Variants in ENPEP observed in about 807,000 individuals in gnomAD.
ENPEP encodes glutamyl aminopeptidase.
Under a neutral mutation model 114.5 loss-of-function variants are expected in ENPEP, and 103 were observed. The observed-to-expected ratio is 0.90, with a 90% CI of 0.77 to 1.06. The LOEUF is 1.06. Among genes scored for constraint, ENPEP ranks in the 50% least tolerant of loss-of-function variants. ENPEP has a pLI of 0.00. For synonymous variants in ENPEP, 420 were observed against 422.0 expected (o/e 1.00, Z 0.06); for missense variants, 1,196 against 1,161.3 (o/e 1.03, Z -0.43).
intron 11 of ENPEP, among the ~76,000 whole-genome samples, chr4:110,542,257 C>A (rs1405684130): frequency 6.6e-6 from 1 of 152,050 alleles, no homozygotes; most frequent in Non-Finnish European, 1.5e-5. Context: ...TTAGTGATAG[C>A]CATTTCCATC....
In ENPEP at chr4:110,513,478, C is replaced by T; in HGVS notation, c.1372C>T (p.His458Tyr). The T allele has an allele frequency of 6.8e-6, 11 of 1,613,478 alleles. No individual in the cohort carries two copies. Among genetic ancestry groups the T allele is most frequent in the Non-Finnish European group, 8.5e-6 (10 of 1,179,596 alleles). Residue 458 changes from histidine to tyrosine, a missense_variant, in exon 7 of 20, where the codon CAT (histidine) becomes TAT (tyrosine). Physicochemically the swap from His to Tyr is moderately conservative, Grantham distance 83 (BLOSUM62 2). Coordinates refer to ENST00000265162, the MANE Select transcript of ENPEP (RefSeq NM_001977.4). ...VQEDDSLMSS[H>Y]PIIVTVTTPD... ...AGAGGATGATTCTTTGATGTCTTCG[C>T]ATCCAATTATTGTGACTGTGACAAC...
chr4:110,517,864 A>G (rs1295796882), intron 8 of ENPEP, among the ~76,000 whole-genome samples: 2 of 152,234 alleles, frequency 1.3e-5, no homozygotes, highest in East Asian at 1.9e-4. Flanking sequence ...ACCACATCCA[A>G]TAAACCCTCA....
chr4:110,518,665 G>A (rs931467546), intron 8 of ENPEP, among the ~76,000 whole-genome samples: 1 of 152,172 alleles, frequency 6.6e-6, no homozygotes, highest in South Asian at 2.1e-4. Context: ...CACACACACT[G>A]ATCCAGGGTT....
intron 1 of ENPEP, among the ~76,000 whole-genome samples, chr4:110,486,230 C>G (rs1488606722): frequency 6.6e-6 from 1 of 152,040 alleles, no homozygotes; most frequent in Non-Finnish European, 1.5e-5. Context: ...GTTATTATCC[C>G]GTTGTTTATT....
intron 6 of ENPEP, among the ~76,000 whole-genome samples, chr4:110,510,925 A>G (rs554648308): frequency 7.9e-5 from 12 of 152,332 alleles, no homozygotes; most frequent in African/African-American, 2.9e-4. Flanking sequence ...TTGTAAGCTT[A>G]AAAGCTCCCA....
intron 10 of ENPEP, among the ~76,000 whole-genome samples, chr4:110,521,159 A>C (rs1299885078): frequency 1.3e-5 from 2 of 152,160 alleles, no homozygotes; most frequent in Non-Finnish European, 2.9e-5. Context: ...CTTCAAAAAT[A>C]CAACTCCCTT....
intron 17 of ENPEP, among the ~76,000 whole-genome samples, chr4:110,551,654 C>T (rs1326702974): frequency 6.6e-6 from 1 of 152,174 alleles, no homozygotes; most frequent in Non-Finnish European, 1.5e-5. Flanking sequence ...TGATTATTCC[C>T]AAGAGTTCTC....
At chr4:110,490,464 G>A (rs1724664211) in intron 2 of ENPEP, among the ~76,000 whole-genome samples, 1 of 152,192 alleles carries the variant, frequency 6.6e-6, no homozygotes, top group South Asian at 2.1e-4. Flanking sequence ...TCGACAGTGA[G>A]GACAGCAGAG....
chr4:110,534,354 G>A (rs896460193), intron 11 of ENPEP, among the ~76,000 whole-genome samples: 2 of 151,988 alleles, frequency 1.3e-5, no homozygotes, highest in Non-Finnish European at 2.9e-5. Flanking sequence ...CAGTTACCCT[G>A]AATAATCTCT....
chr4:110,537,830 C>A lies in ENPEP; in HGVS notation c.1808-4921C>A, dbSNP rs560534737. 1.8e-4 allele frequency among the ~76,000 whole-genome samples: 27 copies of A among 152,302 alleles called. No individual in the cohort carries two copies. In the South Asian group the frequency reaches 5.6e-3, roughly 32 times the overall value. On this transcript the variant is annotated intron_variant, in intron 11 of 19. Coordinates refer to ENST00000265162, the MANE Select transcript of ENPEP (RefSeq NM_001977.4). ...GGCTTCAGAATAGATACTGTGTTAG[C>A]AGCTGTGAAAACATTAATCTGCTTG...
rs1397104543 is a variant in ENPEP at position 110,520,267 on chromosome 4, G to T, written c.1628G>T (p.Gly543Val). ...ATGGACACCTGGACCAGACAGATGGGTTATCCTGTGCTTAACGTGAACGGT... is the reference window on the plus strand; with the variant it reads ...ATGGACACCTGGACCAGACAGATGGTTTATCCTGTGCTTAACGTGAACGGT... ...EVMDTWTRQM[G>V]YPVLNVNGVK... Residue 543 changes from glycine to valine, a missense_variant, in exon 10 of 20, where the codon GGT (glycine) becomes GTT (valine). Transcript: ENST00000265162. 3.7e-6 allele frequency: 6 copies of T among 1,614,002 alleles called. No homozygotes were observed. In the South Asian group the frequency reaches 5.5e-5, roughly 15 times the overall value.
Position 110,561,420 on chromosome 4 carries a change from TG to T in ENPEP, c.2737del (p.Ala913GlnfsTer20). The T allele has an allele frequency of 6.2e-7, 1 of 1,613,834 alleles. No homozygotes were observed. The highest frequency in any genetic ancestry group is 8.5e-7 in the Non-Finnish European group (1 of 1,179,910). On this transcript the variant is annotated frameshift_variant, in exon 20 of 20. Coordinates refer to ENST00000265162, the MANE Select transcript of ENPEP (RefSeq NM_001977.4). LOFTEE classifies it low-confidence loss of function (END_TRUNC). Reference protein sequence around the residue: ...LQLWQMESFFAKYPQAGAGEK... With the variant: ...LQLWQMESFFXKYPQAGAGEK... The stretch of plus-strand genomic sequence containing the variant: ...CTCTTTTCTAGATGGAGAGCTTTTT[TG>T]CAAAATATCCACAAGCTGGAGCAGG...
At position 110,553,357 on chromosome 4, in the gene ENPEP, G is replaced by C; in HGVS notation, c.2544G>C (p.Gln848His). The C allele has an allele frequency of 6.2e-7, 1 of 1,606,722 alleles. No homozygotes were observed. The highest frequency in any genetic ancestry group is 8.5e-7 in the Non-Finnish European group (1 of 1,175,220). Residue 848 changes from glutamine (Q) to histidine (H), a missense_variant, in exon 18 of 20, where the codon CAG becomes CAC. Physicochemically the swap from Gln to His is conservative, Grantham distance 24. Transcript: ENST00000265162. ...LLKDTNLIKT[Q>H]DVFTVIRYIS... is the part of the protein sequence containing the mutation. The stretch of plus-strand genomic sequence containing the variant: ...AGGACACGAACCTTATTAAAACTCA[G>C]GATGTGTTTACAGTCATTCGATATA...
chr4:110,551,116 T>C (rs1329488608), intron 17 of ENPEP, among the ~76,000 whole-genome samples: 1 of 151,084 alleles, frequency 6.6e-6, no homozygotes, highest in Non-Finnish European at 1.5e-5. Flanking sequence ...AAAAAAGAAC[T>C]TGATCATTTT....
rs991043678 is a variant in ENPEP at position 110,561,782 on chromosome 4, A to G, written c.*224A>G. 2 of 376,172 alleles carry G rather than the reference A, an allele frequency of 5.3e-6. No homozygotes were observed. The highest frequency in any genetic ancestry group is 9.4e-6 in the Non-Finnish European group (2 of 212,608). 23.3% of individuals were successfully genotyped at this position (376,172 alleles called of 1,614,324 possible). On this transcript the variant is annotated 3_prime_UTR_variant, in exon 20 of 20. Transcript: ENST00000265162. ...ATACTCAGGGATTCCTTCTAAGTGT[A>G]CTTCATAAGATATTCTTTACAAACT...
At position 110,519,867 on chromosome 4, in the gene ENPEP, G is replaced by T. The variant is rs1468370356; in HGVS notation, c.1510-141G>T. ...GAATTCAAATATCAATGCAACAGCC[G>T]TGCTCATTCATGTACATGTTATCTA... On this transcript the variant is annotated intron_variant, in intron 8 of 19. Coordinates refer to ENST00000265162, the MANE Select transcript of ENPEP (RefSeq NM_001977.4). The T allele has an allele frequency of 8.0e-6, 5 of 622,686 alleles. No homozygotes were observed. The East Asian group carries it at 8.3e-5, about 10-fold the overall frequency. The allele number at this position is 622,686 out of a possible 1,614,324, so 38.6% of individuals were successfully genotyped here. A position where few individuals can be genotyped will look rare whatever the true frequency, so the allele number is the denominator to read the frequency against.
intron 11 of ENPEP, among the ~76,000 whole-genome samples, chr4:110,535,552 C>A (rs1247090087): frequency 3.3e-5 from 5 of 152,154 alleles, no homozygotes; most frequent in Non-Finnish European, 7.4e-5. Flanking sequence ...CTTGGAAGAT[C>A]TACTTATCTA....
At chr4:110,532,062 G>A (rs906213758) in intron 11 of ENPEP, among the ~76,000 whole-genome samples, 8 of 152,056 alleles carry the variant, frequency 5.3e-5, no homozygotes, top group South Asian at 4.1e-4. Flanking sequence ...TATTAATGAG[G>A]TATGATTTCT....
At chr4:110,521,859 C>A (rs572793926) in intron 10 of ENPEP, among the ~76,000 whole-genome samples, 2 of 151,242 alleles carry the variant, frequency 1.3e-5, no homozygotes, top group East Asian at 1.9e-4. Context: ...TAGCACCCAA[C>A]AGATAGGTGT....
Sources: gnomAD v4.1 joint callset for allele counts (sites outside exome capture counted in the v4.1 genomes callset) on GRCh38, gnomAD v4.1.1 for gene constraint, MANE v1.5 for transcripts, NCBI Gene and HGNC (gene_info 2026-07-23, HGNC 2026-07-21) for gene names.